The following SKAP2 variants were observed in gnomAD, a reference collection of about 807,000 sequenced individuals.
SKAP2 encodes src kinase associated phosphoprotein 2, also known as src kinase-associated phosphoprotein 2.
SKAP2 carries 28 observed loss-of-function variants against 54.9 expected under a neutral mutation model. The ratio of observed to expected loss-of-function variants is 0.51; its 90% CI spans 0.38 to 0.70. The LOEUF (loss-of-function observed/expected upper bound fraction) is 0.70. SKAP2 is among the 30% of genes least tolerant of loss of function. The probability of loss-of-function intolerance (pLI) is 0.00; values close to 1 mark genes in which losing one functional copy is unlikely to be tolerated. For missense variants in SKAP2, 356 were observed against 424.1 expected, an observed-to-expected ratio of 0.84 and a Z score of 1.41; for synonymous variants, 137 against 134.3, an observed-to-expected ratio of 1.02 and a Z score of -0.14.
In SKAP2 at chr7:26,674,424, T is replaced by C. The variant is rs141090347; in HGVS notation, c.988-4232A>G. Among the ~76,000 whole-genome samples, 872 of 152,338 alleles carry C rather than the reference T, an allele frequency of 5.7e-3. 5 individuals carry two copies. The highest frequency in any genetic ancestry group is 0.02 in the African/African-American group (831 of 41,588). On this transcript the variant is annotated intron_variant, in intron 11 of 12. Transcript: ENST00000345317. ...TAGTCTCTTTTTTATTAACTCCGAT[T>C]AGAAACTTTGTAAGAATCCTCTCAT...
At chr7:26,722,986 C>A (rs1051562079) in intron 9 of SKAP2, among the ~76,000 whole-genome samples, 2 of 152,036 alleles carry the variant, frequency 1.3e-5, no homozygotes, top group African/African-American at 4.8e-5. Context: ...GGGAATTTAG[C>A]CAGTCAGATA....
intron 11 of SKAP2, among the ~76,000 whole-genome samples, chr7:26,683,144 G>A (rs1184884658): frequency 6.6e-6 from 1 of 152,200 alleles, no homozygotes; most frequent in African/African-American, 2.4e-5. Flanking sequence ...CACAATTGCA[G>A]CTAAATTGGT....
intron 3 of SKAP2, among the ~76,000 whole-genome samples, chr7:26,851,534 G>A (rs916993139): frequency 2.6e-5 from 4 of 151,982 alleles, no homozygotes; most frequent in African/African-American, 9.7e-5. Context: ...CTTGGATACA[G>A]GAAGGCGGAC....
At chr7:26,656,880 C>T in the SKAP2 span, among the ~76,000 whole-genome samples, 1 of 152,048 alleles carries the variant, frequency 6.6e-6, no homozygotes, top group South Asian at 2.1e-4. Flanking sequence ...AGCACCTATA[C>T]TCCCAGATTA....
the SKAP2 span, among the ~76,000 whole-genome samples, chr7:26,655,773 T>C: frequency 6.6e-6 from 1 of 152,220 alleles, no homozygotes; most frequent in Admixed American, 6.5e-5. Flanking sequence ...TAGTTGTAAG[T>C]ATCAAAGATT....
intron 9 of SKAP2, among the ~76,000 whole-genome samples, chr7:26,722,385 ATTT>A (rs35643377): frequency 3.4e-5 from 3 of 89,052 alleles, no homozygotes; most frequent in African/African-American, 4.5e-5. Flanking sequence ...ATGCAATGCA[ATTT>A]TTTTTTTTTT....
rs1168942944 is a variant in SKAP2 at position 26,808,574 on chromosome 7, T to TTAATGCCACTG, written c.307+35445_307+35455dup. On this transcript the variant is annotated intron_variant, in intron 4 of 12. Transcript: ENST00000345317. ...TGGTTACTCAACATTGTGAATATACTTAATGCCACTGAAATGTATACTTAA... is the reference window on the plus strand; with the variant it reads ...TGGTTACTCAACATTGTGAATATACTTAATGCCACTGTAATGCCACTGAAATGTATACTTAA... 6.6e-5 allele frequency among the ~76,000 whole-genome samples: 10 copies of TTAATGCCACTG among 152,314 alleles called. No homozygotes were observed. In the East Asian group the frequency reaches 1.7e-3, roughly 26 times the overall value.
intron 4 of SKAP2, among the ~76,000 whole-genome samples, chr7:26,765,603 T>A (rs1783034653): frequency 6.6e-6 from 1 of 152,194 alleles, no homozygotes. Flanking sequence ...TGGTGTTAGG[T>A]TTTACATTTA....
chr7:26,732,119 G>A (rs566951283), intron 6 of SKAP2, among the ~76,000 whole-genome samples: 2 of 152,162 alleles, frequency 1.3e-5, no homozygotes, highest in African/African-American at 4.8e-5. Context: ...TTCCATCACA[G>A]AAGCTGGAGA....
At chr7:26,726,781 GTTAAC>G (rs1374709992) in intron 7 of SKAP2, 96 bp downstream of exon 7, 16 of 942,784 alleles carry the variant, frequency 1.7e-5, no homozygotes, top group Non-Finnish European at 2.4e-5. Flanking sequence ...TTTTATTATT[GTTAAC>G]ATGTCAAGGA....
intron 4 of SKAP2, among the ~76,000 whole-genome samples, chr7:26,801,864 A>C (rs1205432015): frequency 6.6e-6 from 1 of 152,230 alleles, no homozygotes; most frequent in African/African-American, 2.4e-5. Flanking sequence ...TGACACCTAA[A>C]AATCAAAAAA....
At chr7:26,681,467 C>T (rs1376285809) in intron 11 of SKAP2, among the ~76,000 whole-genome samples, 1 of 152,110 alleles carries the variant, frequency 6.6e-6, no homozygotes. Flanking sequence ...AAACAAAAAA[C>T]AAAATTAAAA....
intron 11 of SKAP2, among the ~76,000 whole-genome samples, chr7:26,674,710 T>A (rs1786315995): frequency 6.6e-6 from 1 of 152,216 alleles, no homozygotes; most frequent in Admixed American, 6.5e-5. Flanking sequence ...ACTTTGCAGG[T>A]GTGACTTTGA....
chr7:26,770,511 A>C (rs1422786791), intron 4 of SKAP2, among the ~76,000 whole-genome samples: 1 of 151,392 alleles, frequency 6.6e-6, no homozygotes, highest in East Asian at 1.9e-4. Flanking sequence ...ATGAAAAAAA[A>C]CTCCCACAGC....
At chr7:26,857,853 T>A in intron 1 of SKAP2, 1 of 420,116 alleles carries the variant, frequency 2.4e-6, no homozygotes, top group Non-Finnish European at 3.2e-6. Context: ...TATTGTGCTC[T>A]AAATAGCCCT....
intron 4 of SKAP2, among the ~76,000 whole-genome samples, chr7:26,788,994 T>C (rs961430797): frequency 6.6e-6 from 1 of 152,196 alleles, no homozygotes; most frequent in Non-Finnish European, 1.5e-5. Context: ...TGTGAGCTAA[T>C]GCCACAAAAT....
At chr7:26,735,231 G>C (rs1403257228) in intron 6 of SKAP2, among the ~76,000 whole-genome samples, 1 of 152,038 alleles carries the variant, frequency 6.6e-6, no homozygotes, top group Non-Finnish European at 1.5e-5. Context: ...TTTAGAAAAA[G>C]AATGAGTAAG....
chr7:26,703,784 T>C (rs1305840104), intron 9 of SKAP2, among the ~76,000 whole-genome samples: 2 of 152,192 alleles, frequency 1.3e-5, no homozygotes, highest in Non-Finnish European at 2.9e-5. Flanking sequence ...ATAAATCTCA[T>C]TCAAAACCCA....
At chr7:26,679,242 T>C (rs1346797538) in intron 11 of SKAP2, among the ~76,000 whole-genome samples, 3 of 152,218 alleles carry the variant, frequency 2.0e-5, no homozygotes, top group Non-Finnish European at 4.4e-5. Flanking sequence ...CCTTTTGCTT[T>C]CATCTGCCAA....
Sources: allele counts gnomAD v4.1 joint callset (sites outside exome capture counted in the v4.1 genomes callset), GRCh38; gene constraint gnomAD v4.1.1; transcripts MANE v1.5; gene names NCBI Gene and HGNC (gene_info 2026-07-23, HGNC 2026-07-21).